MRPS6: variants seen among roughly 807,000 people sequenced by gnomAD.
MRPS6 encodes the protein small ribosomal subunit protein bS6m.
In MRPS6, 6 loss-of-function variants were observed where a neutral mutation model predicts 13.1. The observed-to-expected ratio is 0.46, with a 90% CI of 0.25 to 0.91. MRPS6 has a LOEUF of 0.91. MRPS6 is among the 40% of genes least tolerant of loss of function. The pLI is 0.18. For missense variants in MRPS6, 164 were observed against 155.6 expected, an observed-to-expected ratio of 1.05 and a Z score of -0.29; for synonymous variants, 61 against 56.5, an observed-to-expected ratio of 1.08 and a Z score of -0.36.
chr21:34,094,308 A>G (rs1380761272), intron 1 of MRPS6, among the ~76,000 whole-genome samples: 2 of 152,160 alleles, frequency 1.3e-5, no homozygotes, highest in Admixed American at 1.3e-4. Flanking sequence ...CTTTATAACA[A>G]TACATTTCCA....
chr21:34,138,905 C>CT (rs1980802466), intron 2 of MRPS6, among the ~76,000 whole-genome samples: 1 of 151,900 alleles, frequency 6.6e-6, no homozygotes, highest in Admixed American at 6.6e-5. Flanking sequence ...TATTGCGGCA[C>CT]TATTCACAAT....
At chr21:34,116,178 T>TTG (rs57694757) in intron 1 of MRPS6, among the ~76,000 whole-genome samples, 21,961 of 141,150 alleles carry the variant, frequency 0.16, 1,751 homozygotes, top group Middle Eastern at 0.2. Context: ...CCAGCTAATT[T>TTG]TGTGTGTGTG....
intron 1 of MRPS6, chr21:34,097,256 G>A (rs769963063): frequency 1.9e-6 from 3 of 1,613,942 alleles, no homozygotes; most frequent in Non-Finnish European, 2.5e-6. Context: ...TTTGTTTACA[G>A]ATGCTAGAAG....
chr21:34,118,437 G>A (rs1980004927), intron 1 of MRPS6, among the ~76,000 whole-genome samples: 1 of 151,850 alleles, frequency 6.6e-6, no homozygotes, highest in Non-Finnish European at 1.5e-5. Flanking sequence ...GTTTCAACCT[G>A]TATTGCTCCA....
At chr21:34,108,275 T>TA (rs1979562640) in intron 1 of MRPS6, among the ~76,000 whole-genome samples, 1 of 152,202 alleles carries the variant, frequency 6.6e-6, no homozygotes, top group Non-Finnish European at 1.5e-5. Context: ...TACCGTTTTT[T>TA]ATCTTTTATA....
intron 1 of MRPS6, chr21:34,122,202 G>A (rs1195684070): frequency 6.6e-6 from 1 of 152,198 alleles, no homozygotes; most frequent in Non-Finnish European, 1.5e-5. Flanking sequence ...TAGCACAGAA[G>A]TAGCCATAGA....
At chr21:34,093,474 C>G (rs1978810833) in intron 1 of MRPS6, among the ~76,000 whole-genome samples, 1 of 152,086 alleles carries the variant, frequency 6.6e-6, no homozygotes, top group African/African-American at 2.4e-5. Context: ...CTCCTTTTGT[C>G]AGTGAGAAGT....
chr21:34,134,668 T>A (rs1980624244), intron 2 of MRPS6, among the ~76,000 whole-genome samples: 1 of 152,164 alleles, frequency 6.6e-6, no homozygotes, highest in South Asian at 2.1e-4. Flanking sequence ...TTGTCCTTCA[T>A]CCCAAGCAAC....
chr21:34,110,410 G>C (rs924908014), intron 1 of MRPS6, among the ~76,000 whole-genome samples: 1 of 152,166 alleles, frequency 6.6e-6, no homozygotes, highest in Non-Finnish European at 1.5e-5. Context: ...AGCCTGGGAG[G>C]TCGAGGCTAC....
chr21:34,130,560 G>A (rs919072048), intron 2 of MRPS6, among the ~76,000 whole-genome samples: 6 of 152,176 alleles, frequency 3.9e-5, no homozygotes, highest in African/African-American at 1.4e-4. Context: ...AGTGTTTTCA[G>A]ATCTCTAGAG....
chr21:34,136,365 C>G (rs1980703980), intron 2 of MRPS6, among the ~76,000 whole-genome samples: 1 of 152,136 alleles, frequency 6.6e-6, no homozygotes, highest in Non-Finnish European at 1.5e-5. Context: ...TCAGGATGGT[C>G]TCGAACTCCT....
intron 1 of MRPS6, chr21:34,102,419 A>C (rs995840978): frequency 3.0e-6 from 3 of 999,690 alleles, no homozygotes; most frequent in African/African-American, 3.5e-5. Flanking sequence ...AAGAGGGATT[A>C]GTTTTTTTGT....
At position 34,126,492 on chromosome 21, in the gene MRPS6, C is replaced by T. The variant is rs867026852; in HGVS notation, c.185+1012C>T. 1.3e-4 allele frequency among the ~76,000 whole-genome samples: 20 copies of T among 152,340 alleles called. No individual in the cohort carries two copies. In the Middle Eastern group the frequency reaches 0.01, roughly 78 times the overall value. On this transcript the variant is annotated intron_variant, in intron 2 of 2. Coordinates refer to ENST00000399312, the MANE Select transcript of MRPS6 (RefSeq NM_032476.4). The stretch of plus-strand genomic sequence containing the variant: ...CTAGTGTTCAGCTTCTTGAGAACAC[C>T]TCTGAAGAGAATGCCTGAGGCGTTG...
chr21:34,078,961 T>G (rs142188439), intron 1 of MRPS6, among the ~76,000 whole-genome samples: 67 of 152,370 alleles, frequency 4.4e-4, no homozygotes, highest in African/African-American at 1.6e-3. Context: ...CTTAGGGGAA[T>G]CCTTACTTAA....
At chr21:34,100,003 T>C in intron 1 of MRPS6, 1 of 731,970 alleles carries the variant, frequency 1.4e-6, no homozygotes, top group Non-Finnish European at 1.7e-6. Flanking sequence ...TGTCTTAAGC[T>C]AGCAAAATGT....
intron 1 of MRPS6, 29 bp from the exon 2 acceptor site, chr21:34,125,312 C>G (rs760442897): frequency 6.3e-7 from 1 of 1,593,280 alleles, no homozygotes; most frequent in African/African-American, 1.4e-5. Context: ...GCTTTTTTTT[C>G]TTTTCTTTAA....
At chr21:34,089,441 C>G (rs1033664453) in intron 1 of MRPS6, among the ~76,000 whole-genome samples, 2 of 151,838 alleles carry the variant, frequency 1.3e-5, no homozygotes, top group African/African-American at 4.8e-5. Flanking sequence ...GTTCTTCCCT[C>G]CCTGACTGCC....
chr21:34,115,436 T>C (rs1244641102), intron 1 of MRPS6, among the ~76,000 whole-genome samples: 1 of 152,234 alleles, frequency 6.6e-6, no homozygotes, highest in African/African-American at 2.4e-5. Context: ...TGGTGCACTC[T>C]GATTCTGGGA....
intron 1 of MRPS6, among the ~76,000 whole-genome samples, chr21:34,120,635 G>T (rs1293279325): frequency 1.3e-5 from 2 of 151,748 alleles, no homozygotes; most frequent in Non-Finnish European, 2.9e-5. Flanking sequence ...TAAATTTTTG[G>T]ATAGTACTTT....
Sources: allele counts gnomAD v4.1 joint callset (sites outside exome capture counted in the v4.1 genomes callset), GRCh38; gene constraint gnomAD v4.1.1; transcripts MANE v1.5; gene names NCBI Gene and HGNC (gene_info 2026-07-23, HGNC 2026-07-21).